FAM78B: variants seen among roughly 807,000 people sequenced by gnomAD.
The protein encoded by FAM78B is family with sequence similarity 78 member B.
A neutral mutation model predicts 20.0 loss-of-function variants in FAM78B; 10 were observed. The observed-to-expected ratio is 0.50, with a 90% confidence interval of 0.31 to 0.85. FAM78B has a LOEUF of 0.85. Among genes scored for constraint, FAM78B ranks in the 40% least tolerant of loss-of-function variants. FAM78B has a pLI of 0.05. For missense variants in FAM78B, 283 were observed against 345.0 expected, an observed-to-expected ratio of 0.82 and a Z score of 1.42; for synonymous variants, 135 against 132.8, an observed-to-expected ratio of 1.02 and a Z score of -0.12.
rs1557891117 is a variant in FAM78B at position 166,077,926 on chromosome 1, A to AT, written c.264-7164_264-7163insA. ...TATATATATAATTATATATATAATA[A>AT]ATATATAATAATATATATAATTTAT... is the stretch of plus-strand genomic sequence containing the variant. On this transcript the variant is annotated intron_variant, in intron 1 of 1. Coordinates refer to ENST00000354422, the MANE Select transcript of FAM78B (RefSeq NM_001017961.5). 1.8e-4 allele frequency among the ~76,000 whole-genome samples: 5 copies of AT among 28,244 alleles called. 1 individual carries two copies. Among genetic ancestry groups the AT allele is most frequent in the African/African-American group, 4.1e-4 (2 of 4,862 alleles). The allele number at this position is 28,244 out of a possible 152,430, so 18.5% of individuals were successfully genotyped here. A position where few individuals can be genotyped will look rare whatever the true frequency, so the allele number is the denominator to read the frequency against.
intron 1 of FAM78B, among the ~76,000 whole-genome samples, chr1:166,154,107 C>T (rs1655799280): frequency 6.6e-6 from 1 of 152,240 alleles, no homozygotes; most frequent in Non-Finnish European, 1.5e-5. Context: ...ACAGAGGCCT[C>T]CCAGCTGAGC....
chr1:166,084,493 T>C (rs1156720330), intron 1 of FAM78B, among the ~76,000 whole-genome samples: 1 of 152,170 alleles, frequency 6.6e-6, no homozygotes, highest in Non-Finnish European at 1.5e-5. Flanking sequence ...ACCTCAGTCC[T>C]TGTGCTGATG....
intron 1 of FAM78B, among the ~76,000 whole-genome samples, chr1:166,091,435 G>T (rs1447842153): frequency 1.3e-5 from 2 of 152,140 alleles, no homozygotes; most frequent in African/African-American, 4.8e-5. Context: ...AAAAGGGGGA[G>T]TTCCCCTGCA....
rs1227636464 is a variant in FAM78B, at chr1:166,070,160, TG to T, written c.*80del. 7.0e-7 allele frequency: 1 copy of T among 1,431,078 alleles called. No homozygotes were observed. The highest frequency in any genetic ancestry group is 1.4e-5 in the African/African-American group (1 of 70,600). 88.6% of individuals were successfully genotyped at this position (1,431,078 alleles called of 1,614,324 possible). On this transcript the variant is annotated 3_prime_UTR_variant, in exon 2 of 2. Coordinates refer to ENST00000354422, the MANE Select transcript of FAM78B (RefSeq NM_001017961.5). ...GAGGTCTGCTTTGGCTCAGAAACTC[TG>T]TTTGGCTCCTGCCACCCCTGGCACC...
At chr1:166,091,661 A>G (rs1372409941) in intron 1 of FAM78B, among the ~76,000 whole-genome samples, 1 of 152,214 alleles carries the variant, frequency 6.6e-6, no homozygotes, top group African/African-American at 2.4e-5. Context: ...TGGTCCTGCC[A>G]CCTGACATTG....
intron 1 of FAM78B, among the ~76,000 whole-genome samples, chr1:166,096,691 C>T (rs1653289685): frequency 6.6e-6 from 1 of 152,208 alleles, no homozygotes; most frequent in African/African-American, 2.4e-5. Flanking sequence ...TTGTCCTCCT[C>T]TCCTTACCCA....
At chr1:166,112,344 G>A (rs574324623) in intron 1 of FAM78B, among the ~76,000 whole-genome samples, 57 of 152,214 alleles carry the variant, frequency 3.7e-4, no homozygotes, top group African/African-American at 1.4e-3. Context: ...TTCATTTCTT[G>A]TGATCTTCAC....
intron 1 of FAM78B, among the ~76,000 whole-genome samples, chr1:166,093,916 C>T (rs766246479): frequency 2.0e-5 from 3 of 151,026 alleles, no homozygotes; most frequent in Non-Finnish European, 4.4e-5. Context: ...TTGCATAGGC[C>T]CAGGATCAAT....
intron 1 of FAM78B, among the ~76,000 whole-genome samples, chr1:166,161,987 C>G (rs995443742): frequency 2.0e-5 from 3 of 151,918 alleles, no homozygotes; most frequent in African/African-American, 4.8e-5. Context: ...AAGCATAGAA[C>G]AAGAAGAAAA....
At chr1:166,100,489 C>T (rs1301151199) in intron 1 of FAM78B, among the ~76,000 whole-genome samples, 1 of 152,208 alleles carries the variant, frequency 6.6e-6, no homozygotes, top group Non-Finnish European at 1.5e-5. Flanking sequence ...GGGTCCCTCC[C>T]ACCCTAATAC....
chr1:166,073,511 T>C (rs796733558), intron 1 of FAM78B, among the ~76,000 whole-genome samples: 3 of 150,230 alleles, frequency 2.0e-5, no homozygotes, highest in African/African-American at 7.4e-5. Context: ...TCTCTATCTC[T>C]CGCTCCCTTC....
intron 1 of FAM78B, chr1:166,147,685 G>A (rs1655513660): frequency 6.6e-6 from 1 of 152,070 alleles, no homozygotes; most frequent in Non-Finnish European, 1.5e-5. Flanking sequence ...ATGCTGGAGT[G>A]GAGCAGTGCA....
At chr1:166,098,742 T>A (rs1454693977) in intron 1 of FAM78B, among the ~76,000 whole-genome samples, 1 of 152,112 alleles carries the variant, frequency 6.6e-6, no homozygotes, top group Non-Finnish European at 1.5e-5. Flanking sequence ...TCTGGGATTA[T>A]GTTAAATGAC....
intron 1 of FAM78B, among the ~76,000 whole-genome samples, chr1:166,076,636 C>T (rs768402780): frequency 6.6e-6 from 1 of 152,146 alleles, no homozygotes. Flanking sequence ...AATATAATCC[C>T]TAAGGCAAGG....
chr1:166,101,131 C>T (rs970156033), intron 1 of FAM78B, among the ~76,000 whole-genome samples: 2 of 152,200 alleles, frequency 1.3e-5, no homozygotes, highest in African/African-American at 4.8e-5. Flanking sequence ...AACTGAGGGT[C>T]CCGACTGTTA....
At position 166,151,376 on chromosome 1, in the gene FAM78B, A is replaced by G. The variant is rs919839859; in HGVS notation, c.263+14610T>C. On this transcript the variant is annotated intron_variant, in intron 1 of 1. Coordinates refer to ENST00000354422, the MANE Select transcript of FAM78B (RefSeq NM_001017961.5). Reference sequence around the variant, plus strand: ...GTGGAAAGTCGTTAAGTACTAGGGTATAATTCTAGATTCTAATTCTGATGA... The same window carrying G: ...GTGGAAAGTCGTTAAGTACTAGGGTGTAATTCTAGATTCTAATTCTGATGA... Among the ~76,000 whole-genome samples, 31 of 152,250 alleles carry G rather than the reference A, an allele frequency of 2.0e-4. 1 individual carries two copies.
Position 166,166,291 on chromosome 1 carries a change from G to C in FAM78B, c.-43C>G. On this transcript the variant is annotated 5_prime_UTR_variant, in exon 1 of 2. Transcript: ENST00000354422. ...GCACGGCGCGGCGTGGGGCAGCGCG[G>C]GGGCCCGCGCGGGCAGCCGGGGGCG... is the stretch of plus-strand genomic sequence containing the variant. 5.8e-6 allele frequency: 7 copies of C among 1,206,368 alleles called. No individual in the cohort carries two copies. The highest frequency in any genetic ancestry group is 7.2e-6 in the Non-Finnish European group (7 of 970,774). The allele number at this position is 1,206,368 out of a possible 1,614,324, so 74.7% of individuals were successfully genotyped here.
chr1:166,114,492 G>A (rs984557439), intron 1 of FAM78B, among the ~76,000 whole-genome samples: 1 of 152,162 alleles, frequency 6.6e-6, no homozygotes, highest in Non-Finnish European at 1.5e-5. Flanking sequence ...CCCCAGGAAG[G>A]GGTTTATAAT....
intron 1 of FAM78B, among the ~76,000 whole-genome samples, chr1:166,142,751 T>A (rs1290537405): frequency 6.6e-6 from 1 of 152,172 alleles, no homozygotes; most frequent in East Asian, 1.9e-4. Context: ...TTAAATGAAA[T>A]GATGTACGGG....
Sources: gnomAD v4.1 joint callset for allele counts (sites outside exome capture counted in the v4.1 genomes callset) on GRCh38, gnomAD v4.1.1 for gene constraint, MANE v1.5 for transcripts, NCBI Gene and HGNC (gene_info 2026-07-23, HGNC 2026-07-21) for gene names.